ARFGAP3: variants seen among roughly 807,000 people sequenced by gnomAD.
ARFGAP3 encodes the protein ADP-ribosylation factor GTPase-activating protein 3.
ARFGAP3 carries 72 observed loss-of-function variants against 75.0 expected under a neutral mutation model. That is an observed-to-expected ratio of 0.96 (90% CI 0.79 to 1.17). The LOEUF (loss-of-function observed/expected upper bound fraction) is 1.17, where lower values mean the gene tolerates loss of function less well. Among genes scored for constraint, ARFGAP3 ranks in the 50% most tolerant of loss-of-function variants. ARFGAP3 has a pLI of 0.00. For synonymous variants in ARFGAP3, 221 were observed against 217.9 expected (o/e 1.01, Z -0.13); for missense variants, 620 against 626.6 (o/e 0.99, Z 0.11).
At chr22:42,836,492 G>A (rs892573641) in intron 3 of ARFGAP3, among the ~76,000 whole-genome samples, 19 of 152,152 alleles carry the variant, frequency 1.2e-4, no homozygotes, top group African/African-American at 4.3e-4. Context: ...ACAAATTAGT[G>A]AGGAGCTACA....
intron 1 of ARFGAP3, among the ~76,000 whole-genome samples, chr22:42,855,803 T>C (rs1256427004): frequency 6.6e-6 from 1 of 151,682 alleles, no homozygotes; most frequent in African/African-American, 2.4e-5. Context: ...GAGGACTGCT[T>C]GAGCCCAGGA....
chr22:42,827,255 A>G (rs1926082622), intron 6 of ARFGAP3: 1 of 223,532 alleles, frequency 4.5e-6, no homozygotes, highest in East Asian at 1.8e-4. Context: ...TACGATTCAA[A>G]ATTCTACCTT....
At chr22:42,847,681 A>G in intron 1 of ARFGAP3, 49 bp from the exon 2 acceptor site, 1 of 1,597,098 alleles carries the variant, frequency 6.3e-7, no homozygotes, top group Non-Finnish European at 8.6e-7. Context: ...AGCCAAATAA[A>G]TTATCCTGTA....
rs574684135 is a variant in ARFGAP3, at chr22:42,805,263, A to G, written c.1411+1810T>C. On this transcript the variant is annotated intron_variant, in intron 14 of 15. Coordinates refer to ENST00000263245, the MANE Select transcript of ARFGAP3 (RefSeq NM_014570.5). ...AACAGGAAGGTAAACACAGGCTGCC[A>G]CTATTTTTGTTCAGTAACTGGAAAG... 4.6e-5 allele frequency among the ~76,000 whole-genome samples: 7 copies of G among 152,358 alleles called. No individual in the cohort carries two copies. In the South Asian group the frequency reaches 1.5e-3, roughly 32 times the overall value.
At chr22:42,832,652 T>C (rs1007145420) in intron 5 of ARFGAP3, among the ~76,000 whole-genome samples, 8 of 151,574 alleles carry the variant, frequency 5.3e-5, no homozygotes, top group Non-Finnish European at 8.8e-5. Context: ...GCAGAACATA[T>C]GATGGTCCAA....
At chr22:42,806,427 C>T (rs1034992316) in intron 14 of ARFGAP3, among the ~76,000 whole-genome samples, 2 of 152,236 alleles carry the variant, frequency 1.3e-5, no homozygotes, top group African/African-American at 4.8e-5. Context: ...GAGGACCAGA[C>T]ACCTCCTCGC....
chr22:42,827,649 A>C (rs1177052965), intron 6 of ARFGAP3, among the ~76,000 whole-genome samples: 1 of 152,244 alleles, frequency 6.6e-6, no homozygotes. Context: ...TACAGGCGTG[A>C]GCCACTGAAC....
intron 6 of ARFGAP3, among the ~76,000 whole-genome samples, chr22:42,829,490 G>A (rs1317030189): frequency 6.6e-6 from 1 of 151,960 alleles, no homozygotes. Context: ...TCCAGTTAGA[G>A]GTGTATAAAT....
chr22:42,822,495 GC>G, intron 8 of ARFGAP3, 86 bp from the exon 9 acceptor site: 1 of 1,494,494 alleles, frequency 6.7e-7, no homozygotes, highest in Non-Finnish European at 9.1e-7. Context: ...GTTAGGACCT[GC>G]CAGGCACTGT....
intron 9 of ARFGAP3, 93 bp downstream of exon 9, chr22:42,822,177 C>T (rs138100248): frequency 1.3e-5 from 13 of 1,032,054 alleles, no homozygotes; most frequent in African/African-American, 6.5e-5. Flanking sequence ...CCCTTCCCCC[C>T]CCACACAAAA....
chr22:42,854,181 A>G (rs910416041), intron 1 of ARFGAP3, among the ~76,000 whole-genome samples: 1 of 152,264 alleles, frequency 6.6e-6, no homozygotes, highest in Non-Finnish European at 1.5e-5. Context: ...CCCTGAGGAC[A>G]GGAACATACC....
At chr22:42,855,034 T>C (rs777084216) in intron 1 of ARFGAP3, among the ~76,000 whole-genome samples, 4 of 152,242 alleles carry the variant, frequency 2.6e-5, no homozygotes, top group Non-Finnish European at 5.9e-5. Context: ...GTTCCTACTC[T>C]AAGTGTTTTT....
At chr22:42,830,976 T>C (rs1256927041) in intron 6 of ARFGAP3, among the ~76,000 whole-genome samples, 4 of 152,190 alleles carry the variant, frequency 2.6e-5, no homozygotes, top group African/African-American at 7.2e-5. Context: ...CCCCACTTTA[T>C]AGTCTATTAT....
chr22:42,831,514 A>G lies in ARFGAP3; in HGVS notation c.565+35T>C, dbSNP rs758224881. On this transcript the variant is annotated intron_variant, in intron 6 of 15. Transcript: ENST00000263245. ...GTTTCATAGCATGCCACTGAACCAT[A>G]GAATAGTATTACATGACAGTTCTAA... 1.3e-5 allele frequency: 20 copies of G among 1,596,300 alleles called. No homozygotes were observed. The East Asian group carries it at 4.5e-4, about 36-fold the overall frequency.
intron 6 of ARFGAP3, among the ~76,000 whole-genome samples, chr22:42,831,154 G>A (rs1207369577): frequency 6.6e-6 from 1 of 152,010 alleles, no homozygotes; most frequent in African/African-American, 2.4e-5. Flanking sequence ...CAGATGTGCG[G>A]TGCATGTCTG....
At position 42,797,528 on chromosome 22, in the gene ARFGAP3, G is replaced by A; in HGVS notation, c.*60C>T. ...TCTGGACTTCACTGCCGCCTGAGATGTGGTTACTTGTTCATTTAAAGAGGA... is the reference window on the plus strand; with the variant it reads ...TCTGGACTTCACTGCCGCCTGAGATATGGTTACTTGTTCATTTAAAGAGGA... On this transcript the variant is annotated 3_prime_UTR_variant, in exon 16 of 16. Transcript: ENST00000263245. The A allele has an allele frequency of 1.2e-6, 2 of 1,608,366 alleles. No homozygotes were observed. The highest frequency in any genetic ancestry group is 1.7e-6 in the Non-Finnish European group (2 of 1,174,974).
chr22:42,825,386 A>G (rs1051992321), intron 7 of ARFGAP3, among the ~76,000 whole-genome samples: 2 of 152,236 alleles, frequency 1.3e-5, no homozygotes, highest in Non-Finnish European at 2.9e-5. Context: ...AATATAAAGC[A>G]TCCTCGGCCA....
At position 42,850,842 on chromosome 22, in the gene ARFGAP3, C is replaced by T. The variant is rs1009208608; in HGVS notation, c.70-3210G>A. Among the ~76,000 whole-genome samples the T allele has an allele frequency of 2.6e-5, 4 of 152,326 alleles. No homozygotes were observed. The East Asian group carries it at 5.8e-4, about 22-fold the overall frequency. On this transcript the variant is annotated intron_variant, in intron 1 of 15. Coordinates refer to ENST00000263245, the MANE Select transcript of ARFGAP3 (RefSeq NM_014570.5). Reference sequence around the variant, plus strand: ...TACTTTGGTGTTTACTGATCACCTGCTGTATGTCAGACATGTGACAGGTGA... The same window carrying T: ...TACTTTGGTGTTTACTGATCACCTGTTGTATGTCAGACATGTGACAGGTGA...
intron 3 of ARFGAP3, among the ~76,000 whole-genome samples, 173 bp downstream of exon 3, chr22:42,840,771 G>A (rs1926746156): frequency 6.6e-6 from 1 of 152,010 alleles, no homozygotes; most frequent in Admixed American, 6.6e-5. Flanking sequence ...TGTTGCCCAG[G>A]GTGGTCTTGA....
Sources: gnomAD v4.1 joint callset for allele counts (sites outside exome capture counted in the v4.1 genomes callset) on GRCh38, gnomAD v4.1.1 for gene constraint, MANE v1.5 for transcripts, NCBI Gene and HGNC (gene_info 2026-07-23, HGNC 2026-07-21) for gene names.